The following PABPC4L variants were observed in gnomAD, a reference collection of about 807,000 sequenced individuals.
PABPC4L encodes the protein poly(A) binding protein cytoplasmic 4 like, also known as polyadenylate-binding protein 4-like.
For missense variants in PABPC4L, 452 were observed against 451.4 expected (o/e 1.00, Z -0.01); for synonymous variants, 169 against 164.1 (o/e 1.03, Z -0.23).
At chr4:134,018,833 C>A in the PABPC4L span, among the ~76,000 whole-genome samples, 1 of 152,202 alleles carries the variant, frequency 6.6e-6, no homozygotes, top group East Asian at 1.9e-4. Context: ...AATGAAACTA[C>A]AGATGGCTTC....
chr4:134,038,268 T>G, the PABPC4L span, among the ~76,000 whole-genome samples: 2 of 152,298 alleles, frequency 1.3e-5, no homozygotes, highest in Middle Eastern at 3.4e-3. Flanking sequence ...ATCAGGGATA[T>G]TGGCCTAAAA....
At chr4:134,189,883 GA>G in the PABPC4L span, among the ~76,000 whole-genome samples, 2 of 152,076 alleles carry the variant, frequency 1.3e-5, no homozygotes, top group African/African-American at 4.8e-5. Context: ...TAGGCTCTGG[GA>G]AAATAGTTTC....
the PABPC4L span, among the ~76,000 whole-genome samples, chr4:134,149,118 A>G: frequency 6.6e-6 from 1 of 152,130 alleles, no homozygotes. Context: ...TGCTTGTTCC[A>G]AAGCACTGTT....
the PABPC4L span, among the ~76,000 whole-genome samples, chr4:133,968,908 T>C: frequency 1.3e-5 from 2 of 152,136 alleles, no homozygotes; most frequent in Admixed American, 1.3e-4. Flanking sequence ...AAATATGCAG[T>C]GTAGTAATCA....
At chr4:134,184,987 T>C in the PABPC4L span, among the ~76,000 whole-genome samples, 1 of 152,040 alleles carries the variant, frequency 6.6e-6, no homozygotes, top group African/African-American at 2.4e-5. Flanking sequence ...TTTCTTGAGA[T>C]GTCTTCTGCC....
the PABPC4L span, among the ~76,000 whole-genome samples, chr4:133,981,504 A>T: frequency 6.6e-6 from 1 of 152,120 alleles, no homozygotes; most frequent in Non-Finnish European, 1.5e-5. Context: ...TCAGATATTA[A>T]TTCTAAGTGG....
At chr4:134,131,524 A>C in the PABPC4L span, among the ~76,000 whole-genome samples, 2 of 151,890 alleles carry the variant, frequency 1.3e-5, no homozygotes, top group Non-Finnish European at 2.9e-5. Context: ...GGACAACTAC[A>C]AAACACTGCT....
chr4:134,176,491 A>G, the PABPC4L span, among the ~76,000 whole-genome samples: 3 of 152,160 alleles, frequency 2.0e-5, no homozygotes, highest in Admixed American at 1.3e-4. Context: ...TAATAATGAT[A>G]ATAACAATAA....
At chr4:134,083,329 C>T in the PABPC4L span, among the ~76,000 whole-genome samples, 1 of 151,894 alleles carries the variant, frequency 6.6e-6, no homozygotes, top group East Asian at 1.9e-4. Context: ...GCCAGCTTTA[C>T]TGATCGAGGA....
the PABPC4L span, chr4:134,010,729 A>C: frequency 6.6e-6 from 1 of 152,168 alleles, no homozygotes; most frequent in Non-Finnish European, 1.5e-5. Flanking sequence ...AGCCAAGTCG[A>C]TGTATGTAAA....
the PABPC4L span, among the ~76,000 whole-genome samples, chr4:134,119,371 C>A: frequency 3.3e-5 from 5 of 151,636 alleles, no homozygotes; most frequent in African/African-American, 4.8e-5. Context: ...TCTTCTTGCT[C>A]TTGCACATAC....
At chr4:134,139,350 T>C in the PABPC4L span, among the ~76,000 whole-genome samples, 1 of 151,910 alleles carries the variant, frequency 6.6e-6, no homozygotes, top group East Asian at 1.9e-4. Context: ...CATGAAGCAA[T>C]GAAGCATTGT....
chr4:134,070,772 G>A, the PABPC4L span, among the ~76,000 whole-genome samples: 3 of 152,088 alleles, frequency 2.0e-5, no homozygotes, highest in African/African-American at 4.8e-5. Context: ...AGGGCCCCAG[G>A]GTAGCATCCC....
At chr4:134,021,180 C>G in the PABPC4L span, among the ~76,000 whole-genome samples, 1 of 152,216 alleles carries the variant, frequency 6.6e-6, no homozygotes, top group African/African-American at 2.4e-5. Flanking sequence ...ATATCACAAT[C>G]ACATATACAG....
the PABPC4L span, among the ~76,000 whole-genome samples, chr4:134,124,832 T>A: frequency 1.9e-4 from 29 of 152,170 alleles, no homozygotes; most frequent in African/African-American, 7.0e-4. Flanking sequence ...CACCAAGCCA[T>A]CTCTTAGCAA....
chr4:134,035,874 A>C, the PABPC4L span, among the ~76,000 whole-genome samples: 2 of 151,934 alleles, frequency 1.3e-5, no homozygotes, highest in East Asian at 3.9e-4. Context: ...ATATATTTTC[A>C]TTTGCTTGTT....
the PABPC4L span, among the ~76,000 whole-genome samples, chr4:134,071,944 T>C: frequency 1.3e-5 from 2 of 152,112 alleles, no homozygotes; most frequent in African/African-American, 2.4e-5. Flanking sequence ...TAGGTTTTAG[T>C]TGTATAGATA....
the PABPC4L span, among the ~76,000 whole-genome samples, chr4:134,087,273 C>T: frequency 6.6e-6 from 1 of 151,970 alleles, no homozygotes; most frequent in African/African-American, 2.4e-5. Context: ...AGTTCATGTC[C>T]TTTGTAGGGA....
At chr4:134,027,009 G>A in the PABPC4L span, among the ~76,000 whole-genome samples, 1 of 152,088 alleles carries the variant, frequency 6.6e-6, no homozygotes, top group South Asian at 2.1e-4. Context: ...CACTAAGTTT[G>A]TGGTACTTTG....
Sources: allele counts gnomAD v4.1 joint callset (sites outside exome capture counted in the v4.1 genomes callset), GRCh38; gene constraint gnomAD v4.1.1; transcripts MANE v1.5; gene names NCBI Gene and HGNC (gene_info 2026-07-23, HGNC 2026-07-21).